Variants in CAMSAP2 observed in about 807,000 individuals in gnomAD.
CAMSAP2 encodes the protein calmodulin regulated spectrin associated protein family member 2, also known as calmodulin-regulated spectrin-associated protein 2.
Under a neutral mutation model 146.1 loss-of-function variants are expected in CAMSAP2, and 26 were observed. That is an observed-to-expected ratio of 0.18 (90% CI 0.13 to 0.25). The LOEUF (loss-of-function observed/expected upper bound fraction) is 0.25. Ranked by LOEUF, CAMSAP2 falls within the 10% of genes least tolerant of loss-of-function variation. The pLI is 1.00. For synonymous variants in CAMSAP2, 499 were observed against 596.6 expected (o/e 0.84, Z 2.38); for missense variants, 1,381 against 1,759.3 (o/e 0.78, Z 3.85).
chr1:200,746,306 G>A (rs1219294574), intron 1 of CAMSAP2, among the ~76,000 whole-genome samples: 1 of 152,122 alleles, frequency 6.6e-6, no homozygotes, highest in Non-Finnish European at 1.5e-5. Context: ...GGTAGTGGTG[G>A]GTATGGAAAG....
intron 6 of CAMSAP2, among the ~76,000 whole-genome samples, chr1:200,836,418 G>T (rs1667185381): frequency 1.3e-5 from 2 of 152,174 alleles, no homozygotes; most frequent in South Asian, 4.1e-4. Context: ...CAAAGGACAT[G>T]ATCTTGTTCT....
intron 1 of CAMSAP2, among the ~76,000 whole-genome samples, chr1:200,755,486 G>A (rs760062314): frequency 5.9e-5 from 9 of 152,168 alleles, no homozygotes; most frequent in Non-Finnish European, 1.2e-4. Context: ...GAGCTGAGTA[G>A]GCTGATGGCT....
chr1:200,747,902 G>A (rs1664382393), intron 1 of CAMSAP2, among the ~76,000 whole-genome samples: 1 of 151,382 alleles, frequency 6.6e-6, no homozygotes, highest in Admixed American at 6.6e-5. Context: ...CAGGAGAATG[G>A]CGTGAACCCG....
At chr1:200,753,147 T>G (rs1383344377) in intron 1 of CAMSAP2, among the ~76,000 whole-genome samples, 3 of 151,904 alleles carry the variant, frequency 2.0e-5, no homozygotes, top group Non-Finnish European at 2.9e-5. Context: ...GGTGTGTGCC[T>G]GTAGTTCCAG....
At chr1:200,810,524 C>T (rs556330076) in intron 3 of CAMSAP2, among the ~76,000 whole-genome samples, 19 of 148,720 alleles carry the variant, frequency 1.3e-4, no homozygotes, top group African/African-American at 2.5e-4. Flanking sequence ...TGCTGTGTGC[C>T]GAGATGGCGC....
intron 6 of CAMSAP2, among the ~76,000 whole-genome samples, chr1:200,839,757 G>A (rs1667270005): frequency 6.6e-6 from 1 of 152,144 alleles, no homozygotes; most frequent in Non-Finnish European, 1.5e-5. Flanking sequence ...AGTGTACACT[G>A]CTTGGGTGAT....
At chr1:200,792,056 T>C (rs1282188250) in intron 2 of CAMSAP2, among the ~76,000 whole-genome samples, 3 of 152,200 alleles carry the variant, frequency 2.0e-5, no homozygotes. Context: ...AACTTTAATT[T>C]CCTTAGAACT....
intron 1 of CAMSAP2, among the ~76,000 whole-genome samples, chr1:200,748,038 C>G (rs1664389779): frequency 6.6e-6 from 1 of 151,626 alleles, no homozygotes; most frequent in African/African-American, 2.4e-5. Flanking sequence ...GGTCTCACAT[C>G]TATGTACCAC....
At chr1:200,807,178 CAAT>C (rs1666200414) in intron 2 of CAMSAP2, among the ~76,000 whole-genome samples, 195 bp from the exon 3 acceptor site, 2 of 152,120 alleles carry the variant, frequency 1.3e-5, no homozygotes. Context: ...TATAGATCCT[CAAT>C]AAGTATTTGA....
At position 200,859,279 on chromosome 1, in the gene CAMSAP2, A is replaced by T. The variant is rs1025555635; in HGVS notation, c.*1220A>T. ...CCTGTTATATTTCAGTGTTGTGACA[A>T]ATGTGTAAACTAGCGGGGGAAGACA... On this transcript the variant is annotated 3_prime_UTR_variant, in exon 17 of 17. Coordinates refer to ENST00000358823, the MANE Select transcript of CAMSAP2 (RefSeq NM_203459.4). The T allele has an allele frequency of 2.6e-5, 4 of 152,642 alleles. No homozygotes were observed. Among genetic ancestry groups the T allele is most frequent in the African/African-American group, 9.7e-5 (4 of 41,442 alleles). The allele number at this position is 152,642 out of a possible 1,614,324, so 9.5% of individuals were successfully genotyped here. A position where few individuals can be genotyped will look rare whatever the true frequency, so the allele number is the denominator to read the frequency against.
At chr1:200,790,035 G>C (rs1483219089) in intron 2 of CAMSAP2, among the ~76,000 whole-genome samples, 6 of 152,156 alleles carry the variant, frequency 3.9e-5, no homozygotes, top group East Asian at 3.8e-4. Flanking sequence ...GGTAAGGTGT[G>C]GGGGAGAGGA....
chr1:200,811,046 T>G (rs796270061), intron 3 of CAMSAP2, among the ~76,000 whole-genome samples: 8 of 152,296 alleles, frequency 5.3e-5, no homozygotes, highest in African/African-American at 1.9e-4. Context: ...CCATACCCAT[T>G]CCTAACCCGA....
intron 6 of CAMSAP2, among the ~76,000 whole-genome samples, chr1:200,837,400 G>C (rs1667211517): frequency 6.6e-6 from 1 of 152,068 alleles, no homozygotes; most frequent in South Asian, 2.1e-4. Flanking sequence ...GATGGTTGTA[G>C]ATATGTGGCC....
In CAMSAP2 at chr1:200,773,077, TG is replaced by T. The variant is rs139518196; in HGVS notation, c.399+11981del. ...AATTAGATAATTCACTTTTGAATAG[TG>T]GAAGTTTTATATTCCTTTGTTTGTA... On this transcript the variant is annotated intron_variant, in intron 2 of 16. Coordinates refer to ENST00000358823, the MANE Select transcript of CAMSAP2 (RefSeq NM_203459.4). 9.6e-3 allele frequency among the ~76,000 whole-genome samples: 1,468 copies of T among 152,262 alleles called. 31 individuals are homozygous for T. Among genetic ancestry groups the T allele is most frequent in the African/African-American group, 0.034 (1,403 of 41,538 alleles).
intron 2 of CAMSAP2, among the ~76,000 whole-genome samples, chr1:200,763,154 C>T (rs1664846581): frequency 6.6e-6 from 1 of 152,196 alleles, no homozygotes; most frequent in African/African-American, 2.4e-5. Flanking sequence ...CCCACCTCAG[C>T]CTCTCAATAT....
At chr1:200,841,800 TCAG>T (rs774701522) in intron 6 of CAMSAP2, among the ~76,000 whole-genome samples, 191 bp from the exon 7 acceptor site, 2 of 152,212 alleles carry the variant, frequency 1.3e-5, no homozygotes, top group Non-Finnish European at 2.9e-5. Context: ...GAGCAAATGA[TCAG>T]CAAGAGGTTT....
chr1:200,816,609 T>C (rs200001299), intron 4 of CAMSAP2, among the ~76,000 whole-genome samples: 1 of 102,006 alleles, frequency 9.8e-6, no homozygotes, highest in Admixed American at 1.0e-4. Context: ...AAAAAAAATA[T>C]ATATATATAT....
chr1:200,792,956 T>A (rs567588920), intron 2 of CAMSAP2, among the ~76,000 whole-genome samples: 1 of 152,302 alleles, frequency 6.6e-6, no homozygotes, highest in East Asian at 1.9e-4. Flanking sequence ...TTTCTCACAG[T>A]TGTGTTTGAA....
At chr1:200,805,730 G>A (rs1651858322) in intron 2 of CAMSAP2, among the ~76,000 whole-genome samples, 1 of 152,142 alleles carries the variant, frequency 6.6e-6, no homozygotes, top group East Asian at 1.9e-4. Flanking sequence ...AGTCTGTATT[G>A]TTAGGAGGAC....
Sources: allele counts gnomAD v4.1 joint callset (sites outside exome capture counted in the v4.1 genomes callset), GRCh38; gene constraint gnomAD v4.1.1; transcripts MANE v1.5; gene names NCBI Gene and HGNC (gene_info 2026-07-23, HGNC 2026-07-21).